KATNAL2: variants seen among roughly 807,000 people sequenced by gnomAD.
KATNAL2 encodes the protein katanin catalytic subunit A1 like 2.
In KATNAL2, 52 loss-of-function variants were observed where a neutral mutation model predicts 76.3. That is an observed-to-expected ratio of 0.68 (90% CI 0.55 to 0.86). KATNAL2 has a LOEUF of 0.86. Ranked by LOEUF, KATNAL2 falls within the 40% of genes least tolerant of loss-of-function variation. KATNAL2 has a pLI of 0.00. For missense variants in KATNAL2, 660 were observed against 668.9 expected, an observed-to-expected ratio of 0.99 and a Z score of 0.15; for synonymous variants, 243 against 244.2, an observed-to-expected ratio of 1.00 and a Z score of 0.05.
At chr18:47,062,878 G>T (rs975108208) in intron 8 of KATNAL2, 94 bp from the exon 9 acceptor site, 13 of 894,796 alleles carry the variant, frequency 1.5e-5, no homozygotes, top group Admixed American at 1.3e-4. Context: ...ATATACCAGG[G>T]TCTATAAATG....
Position 47,059,547 on chromosome 18 carries a change from T to C in KATNAL2, c.451-9T>C, listed in dbSNP as rs2061570296. 1.3e-6 allele frequency: 2 copies of C among 1,588,026 alleles called. No individual in the cohort carries two copies. Among genetic ancestry groups the C allele is most frequent in the South Asian group, 2.2e-5 (2 of 90,514 alleles). On this transcript the variant is annotated splice_polypyrimidine_tract_variant and intron_variant, in intron 7 of 17. Coordinates refer to ENST00000683218, the MANE Select transcript of KATNAL2 (RefSeq NM_001387690.1). ...CACAGCCGATGTGTCCTTGTCTCTC[T>C]TTCTTCAGGAGGTAGTTGATAACAC...
intron 1 of KATNAL2, among the ~76,000 whole-genome samples, chr18:46,935,775 G>A (rs907392035): frequency 2.6e-5 from 4 of 152,050 alleles, no homozygotes; most frequent in African/African-American, 9.7e-5. Context: ...AATTAGCCAG[G>A]CATGGTGGTG....
rs777117853 is a variant in KATNAL2, at chr18:47,069,295, T to A, written c.889+12T>A. The A allele has an allele frequency of 3.1e-6, 5 of 1,602,528 alleles. No homozygotes were observed. In the East Asian group the frequency reaches 1.1e-4, roughly 36 times the overall value. Reference sequence around the variant, plus strand: ...GTACGGCCCTCCAGGTAAACACAGCTTCCTATTTTGATGTCAGTGTTAAGT... The same window carrying A: ...GTACGGCCCTCCAGGTAAACACAGCATCCTATTTTGATGTCAGTGTTAAGT... On this transcript the variant is annotated intron_variant, in intron 12 of 17. Transcript: ENST00000683218.
At chr18:47,058,959 T>C (rs2061550049) in intron 7 of KATNAL2, among the ~76,000 whole-genome samples, 1 of 152,078 alleles carries the variant, frequency 6.6e-6, no homozygotes, top group South Asian at 2.1e-4. Context: ...GTCCAGAACC[T>C]TCTTAGTTAG....
chr18:47,045,052 C>T (rs1237107299), intron 3 of KATNAL2, among the ~76,000 whole-genome samples: 2 of 151,354 alleles, frequency 1.3e-5, no homozygotes, highest in African/African-American at 4.9e-5. Flanking sequence ...TGAGCCCTGA[C>T]CATACCACTG....
chr18:46,927,694 C>G (rs1314847581), intron 1 of KATNAL2, among the ~76,000 whole-genome samples: 1 of 152,138 alleles, frequency 6.6e-6, no homozygotes, highest in African/African-American at 2.4e-5. Context: ...CAACTTGGTT[C>G]CATTCTCCCC....
intron 3 of KATNAL2, among the ~76,000 whole-genome samples, chr18:46,955,015 C>T (rs1314311055): frequency 6.6e-6 from 1 of 151,942 alleles, no homozygotes; most frequent in Non-Finnish European, 1.5e-5. Context: ...GTTTTCTTTG[C>T]TTTTGGCTTT....
chr18:47,059,040 G>A (rs765638014), intron 7 of KATNAL2, among the ~76,000 whole-genome samples: 4 of 152,190 alleles, frequency 2.6e-5, no homozygotes. Context: ...AAAAATTAAT[G>A]TCAAATAACG....
At chr18:47,034,540 T>G (rs746335836) in intron 3 of KATNAL2, 1 of 1,614,204 alleles carries the variant, frequency 6.2e-7, no homozygotes, top group Non-Finnish European at 8.5e-7. Context: ...GGAGTGCCAA[T>G]CTCCCTGGGC....
intron 13 of KATNAL2, 99 bp downstream of exon 13, chr18:47,069,699 A>G: frequency 1.4e-6 from 1 of 722,452 alleles, no homozygotes. Flanking sequence ...ATTTTATGTG[A>G]GATCTCAAGA....
chr18:46,960,731 G>A (rs2059912628), intron 3 of KATNAL2, among the ~76,000 whole-genome samples: 1 of 152,204 alleles, frequency 6.6e-6, no homozygotes, highest in Admixed American at 6.5e-5. Context: ...ATAAGAGTAA[G>A]CAAAGCCAGG....
chr18:47,064,025 A>G (rs2061713427), intron 10 of KATNAL2, among the ~76,000 whole-genome samples: 1 of 152,190 alleles, frequency 6.6e-6, no homozygotes, highest in African/African-American at 2.4e-5. Flanking sequence ...AGGCAGGCTC[A>G]GAGGGGGGTT....
intron 3 of KATNAL2, among the ~76,000 whole-genome samples, chr18:46,953,932 A>G (rs2059644757): frequency 6.6e-6 from 1 of 151,534 alleles, no homozygotes; most frequent in Non-Finnish European, 1.5e-5. Context: ...GAGGCCTTCC[A>G]TTTCTATGCT....
chr18:47,078,421 T>G (rs542672614), intron 15 of KATNAL2, among the ~76,000 whole-genome samples: 5 of 152,220 alleles, frequency 3.3e-5, no homozygotes, highest in Admixed American at 1.3e-4. Flanking sequence ...GAATCTAGAA[T>G]ACTTTCTCTA....
chr18:47,084,827 T>G (rs1025489439), intron 15 of KATNAL2, among the ~76,000 whole-genome samples: 79 of 114,310 alleles, frequency 6.9e-4, no homozygotes, highest in African/African-American at 2.7e-3. Flanking sequence ...CCAGCCTGGA[T>G]GACAGAGCAA....
chr18:47,046,285 G>C (rs2061154393), intron 3 of KATNAL2, 172 bp from the exon 4 acceptor site: 1 of 582,114 alleles, frequency 1.7e-6, no homozygotes. Context: ...GCTGTGAGAA[G>C]AAAATAACAA....
intron 3 of KATNAL2, among the ~76,000 whole-genome samples, chr18:46,961,454 G>A (rs1447242351): frequency 6.6e-6 from 1 of 152,202 alleles, no homozygotes; most frequent in Non-Finnish European, 1.5e-5. Context: ...GAAGTTTTCT[G>A]ATAAACAAAG....
chr18:46,955,134 C>CTTTCTT (rs1427799370), intron 3 of KATNAL2, among the ~76,000 whole-genome samples: 2 of 123,728 alleles, frequency 1.6e-5, no homozygotes, highest in Non-Finnish European at 3.3e-5. Context: ...TTCTTTCTTT[C>CTTTCTT]TCTCTCTCTT....
intron 8 of KATNAL2, among the ~76,000 whole-genome samples, chr18:47,061,606 ATT>A (rs1183134147): frequency 2.0e-5 from 3 of 152,092 alleles, no homozygotes; most frequent in Non-Finnish European, 4.4e-5. Flanking sequence ...CTCCCTGCAA[ATT>A]TAGTAGGTAT....
Sources: allele counts gnomAD v4.1 joint callset (sites outside exome capture counted in the v4.1 genomes callset), GRCh38; gene constraint gnomAD v4.1.1; transcripts MANE v1.5; gene names NCBI Gene and HGNC (gene_info 2026-07-23, HGNC 2026-07-21).